UTRN: variants seen among roughly 807,000 people sequenced by gnomAD.
The protein encoded by UTRN is dystrophin-related protein 1.
In UTRN, 283 loss-of-function variants were observed where a neutral mutation model predicts 463.9. The ratio of observed to expected loss-of-function variants is 0.61; its 90% CI spans 0.55 to 0.67. UTRN has a LOEUF of 0.67. Among genes scored for constraint, UTRN ranks in the 30% least tolerant of loss-of-function variants. The pLI is 0.00. For missense variants in UTRN, 3,922 were observed against 4,084.3 expected, an observed-to-expected ratio of 0.96 and a Z score of 1.08; for synonymous variants, 1,442 against 1,431.5, an observed-to-expected ratio of 1.01 and a Z score of -0.17.
chr6:144,296,588 G>A lies in UTRN; in HGVS notation c.79+4681G>A, dbSNP rs143432848. On this transcript the variant is annotated intron_variant, in intron 2 of 74. Transcript: ENST00000367545. Reference sequence around the variant, plus strand: ...TACAGAGTCTGGAAGTGCCAGAGCTGGCATTTGAACTCAGATGATCTGACT... The same window carrying A: ...TACAGAGTCTGGAAGTGCCAGAGCTAGCATTTGAACTCAGATGATCTGACT... Among the ~76,000 whole-genome samples the A allele has an allele frequency of 2.8e-3, 423 of 152,286 alleles. 5 individuals carry two copies. Among genetic ancestry groups the A allele is most frequent in the Non-Finnish European group, 4.8e-3 (326 of 68,024 alleles).
At chr6:144,517,491 T>C (rs1795727418) in intron 39 of UTRN, among the ~76,000 whole-genome samples, 1 of 152,044 alleles carries the variant, frequency 6.6e-6, no homozygotes, top group Admixed American at 6.6e-5. Context: ...TGGGCCACCA[T>C]ATCCAGCTCC....
chr6:144,784,820 C>G (rs570697756), intron 61 of UTRN, among the ~76,000 whole-genome samples: 12 of 152,168 alleles, frequency 7.9e-5, no homozygotes, highest in Non-Finnish European at 1.6e-4. Flanking sequence ...AAGACAGTAT[C>G]TTGAAATTTC....
At chr6:144,583,703 C>T in intron 51 of UTRN, 1 of 458,394 alleles carries the variant, frequency 2.2e-6, no homozygotes, top group South Asian at 6.2e-5. Context: ...GAAAGATTCC[C>T]TTTCTTAGTA....
chr6:144,290,107 A>T (rs1804075650), intron 1 of UTRN, among the ~76,000 whole-genome samples: 1 of 152,208 alleles, frequency 6.6e-6, no homozygotes. Context: ...TGAAGATACC[A>T]TCACACTTCA....
chr6:144,634,514 A>G lies in UTRN; in HGVS notation c.7480-43892A>G, dbSNP rs187900343. 2.6e-3 allele frequency among the ~76,000 whole-genome samples: 401 copies of G among 152,358 alleles called. 12 individuals carry two copies. The highest frequency in any genetic ancestry group is 0.024 in the Admixed American group (371 of 15,310). On this transcript the variant is annotated intron_variant, in intron 51 of 74. Transcript: ENST00000367545. ...TATGAGGTTAAGATTAACGGAGACA[A>G]TAGAAGAGAATCTTGACTTGATAAT...
chr6:144,414,741 C>A (rs6908931), intron 3 of UTRN, among the ~76,000 whole-genome samples: 116,844 of 149,712 alleles, frequency 0.78, 45,774 homozygotes, highest in East Asian at 0.84. Flanking sequence ...TTTGAGACAG[C>A]GTATCTCTCT....
chr6:144,577,166 G>A lies in UTRN; in HGVS notation c.7357G>A (p.Glu2453Lys). ...RTVQASRRDL[E>K]NFLKWIQEAE... is the part of the protein sequence containing the mutation. Reference sequence around the variant, plus strand: ...GGTGCAGGCCTCTCGCAGAGATCTGGAAAACTTCCTGAAGTGGATCCAAGA... The same window carrying A: ...GGTGCAGGCCTCTCGCAGAGATCTGAAAAACTTCCTGAAGTGGATCCAAGA... Residue 2453 changes from glutamate to lysine, a missense_variant, in exon 51 of 75, where the codon GAA becomes AAA. Physicochemically the swap from Glu to Lys is moderately conservative, Grantham distance 56. Coordinates refer to ENST00000367545, the MANE Select transcript of UTRN (RefSeq NM_007124.3). The A allele has an allele frequency of 6.2e-7, 1 of 1,613,986 alleles. No homozygotes were observed. The highest frequency in any genetic ancestry group is 1.1e-5 in the South Asian group (1 of 91,084).
intron 43 of UTRN, among the ~76,000 whole-genome samples, chr6:144,537,205 A>G (rs1443706808): frequency 6.6e-6 from 1 of 152,100 alleles, no homozygotes; most frequent in African/African-American, 2.4e-5. Flanking sequence ...AAAGAGAATT[A>G]TGCTTTTTCC....
At chr6:144,553,003 T>C (rs991867802) in intron 48 of UTRN, among the ~76,000 whole-genome samples, 8 of 152,224 alleles carry the variant, frequency 5.3e-5, no homozygotes, top group Non-Finnish European at 1.2e-4. Context: ...AATGATGACA[T>C]GTAAGTATAA....
At chr6:144,812,495 A>G (rs1778710474) in intron 65 of UTRN, among the ~76,000 whole-genome samples, 1 of 152,220 alleles carries the variant, frequency 6.6e-6, no homozygotes, top group Non-Finnish European at 1.5e-5. Context: ...AGATTTCAGC[A>G]TAAAGTAAGA....
intron 52 of UTRN, among the ~76,000 whole-genome samples, chr6:144,684,329 C>T (rs1035267468): frequency 3.0e-4 from 45 of 152,256 alleles, no homozygotes; most frequent in Middle Eastern, 6.8e-3. Context: ...GGATTACAGA[C>T]GTGAGCCACC....
chr6:144,803,288 T>C (rs1441979900), intron 65 of UTRN, 141 bp downstream of exon 65: 1 of 455,414 alleles, frequency 2.2e-6, no homozygotes, highest in Non-Finnish European at 3.6e-6. Context: ...AGTAAACTCA[T>C]TTATGTTGAA....
intron 51 of UTRN, among the ~76,000 whole-genome samples, chr6:144,596,411 C>G (rs919135672): frequency 2.0e-5 from 3 of 152,066 alleles, no homozygotes; most frequent in African/African-American, 7.2e-5. Context: ...TGGATATTCT[C>G]AAGTTTAGCT....
At chr6:144,790,374 T>C (rs576325307) in intron 62 of UTRN, among the ~76,000 whole-genome samples, 1 of 152,354 alleles carries the variant, frequency 6.6e-6, no homozygotes, top group South Asian at 2.1e-4. Flanking sequence ...ATAGGCCCTG[T>C]AAACTGAGTT....
intron 29 of UTRN, 146 bp from the exon 30 acceptor site, chr6:144,488,527 A>G (rs1792707285): frequency 6.1e-6 from 4 of 656,626 alleles, no homozygotes; most frequent in Non-Finnish European, 7.0e-6. Flanking sequence ...TTTCACTGTT[A>G]TCATTAGTAA....
chr6:144,842,767 G>T (rs1245142651), intron 73 of UTRN, among the ~76,000 whole-genome samples: 1 of 151,902 alleles, frequency 6.6e-6, no homozygotes, highest in Non-Finnish European at 1.5e-5. Flanking sequence ...CTCAAAGTTT[G>T]CAGAATCACA....
At chr6:144,772,000 A>G (rs756816540) in intron 59 of UTRN, 32 bp downstream of exon 59, 3 of 1,084,056 alleles carry the variant, frequency 2.8e-6, no homozygotes, top group Non-Finnish European at 3.9e-6. Flanking sequence ...AAATTAACCT[A>G]AACAACTGAG....
intron 54 of UTRN, among the ~76,000 whole-genome samples, chr6:144,745,562 TTCTGAGTAGCTTCTTGA>T (rs1167710200): frequency 6.6e-6 from 1 of 152,196 alleles, no homozygotes; most frequent in African/African-American, 2.4e-5. Context: ...TTTTCTTTTC[TTCTGAGTAGCTTCTTGA>T]GTGGGGATTA....
At chr6:144,757,880 A>G in intron 57 of UTRN, 49 bp from the exon 58 acceptor site, 1 of 1,562,406 alleles carries the variant, frequency 6.4e-7, no homozygotes, top group Non-Finnish European at 8.7e-7. Flanking sequence ...TTAAGGTGTA[A>G]GGCTTTTTGG....
Sources: gnomAD v4.1 joint callset for allele counts (sites outside exome capture counted in the v4.1 genomes callset) on GRCh38, gnomAD v4.1.1 for gene constraint, MANE v1.5 for transcripts, NCBI Gene and HGNC (gene_info 2026-07-23, HGNC 2026-07-21) for gene names.